Variants in YPEL5 observed in about 807,000 individuals in gnomAD.
The protein encoded by YPEL5 is protein yippee-like 5.
YPEL5 carries 1 observed loss-of-function variant against 10.5 expected under a neutral mutation model. The ratio of observed to expected loss-of-function variants is 0.10; its 90% CI spans 0.03 to 0.45. YPEL5 has a LOEUF of 0.45. Ranked by LOEUF, YPEL5 falls within the 20% of genes least tolerant of loss-of-function variation. The pLI is 0.97. For missense variants in YPEL5, 68 were observed against 159.3 expected (o/e 0.43, Z 3.09); for synonymous variants, 61 against 56.6 (o/e 1.08, Z -0.35).
rs1676201186 is a variant in YPEL5, at chr2:30,159,686, A to G, written c.*843A>G. ...CATGCATATAATATTCTTTGTTTAA[A>G]TGAAAGCATACTGTTGAAACCCGCA... On this transcript the variant is annotated 3_prime_UTR_variant, in exon 3 of 3. Transcript: ENST00000261353. 1 of 152,248 alleles carries G rather than the reference A, an allele frequency of 6.6e-6. No individual in the cohort carries two copies. The highest frequency in any genetic ancestry group is 1.5e-5 in the Non-Finnish European group (1 of 68,044). The allele number at this position is 152,248 out of a possible 1,614,324, so 9.4% of individuals were successfully genotyped here.
intron 2 of YPEL5, 52 bp downstream of exon 2, chr2:30,156,844 A>G (rs1676060183): frequency 2.5e-6 from 4 of 1,598,820 alleles, no homozygotes; most frequent in Non-Finnish European, 3.4e-6. Context: ...TGTATTTGAC[A>G]GCAACACCAG....
intron 2 of YPEL5, among the ~76,000 whole-genome samples, chr2:30,157,448 G>C (rs561009404): frequency 2.0e-5 from 3 of 152,172 alleles, no homozygotes; most frequent in Non-Finnish European, 1.5e-5. Flanking sequence ...AGATGGTGGC[G>C]TTAAACTATT....
intron 1 of YPEL5, chr2:30,148,009 G>A (rs1336077090): frequency 6.6e-6 from 1 of 152,280 alleles, no homozygotes; most frequent in African/African-American, 2.4e-5. Context: ...AGCTCCGCCA[G>A]CTTCGGGCTG....
Position 30,158,715 on chromosome 2 carries a change from C to T in YPEL5, c.238C>T (p.Leu80=), listed in dbSNP as rs1428599277. The T allele has an allele frequency of 6.2e-7, 1 of 1,614,162 alleles. No homozygotes were observed. The change falls in exon 3 of 3, where the codon CTG becomes TTG. Residue 80 remains leucine (L), a synonymous_variant. Transcript: ENST00000261353. ...GAGCTGCAAAAACTGCAATAGCAAA[C>T]TGGGATGGATCTATGAGTTTGCCAC... ...DVSCKNCNSK[L]GWIYEFATED...
chr2:30,160,418 A>G lies in YPEL5; in HGVS notation c.*1575A>G, dbSNP rs1463652165. ...ATGGACTCAATCTGAGAACAACAGC[A>G]TTCATTTCCATTCATTTCCATACTG... On this transcript the variant is annotated 3_prime_UTR_variant, in exon 3 of 3. Transcript: ENST00000261353. The G allele has an allele frequency of 6.6e-6, 1 of 152,210 alleles. No homozygotes were observed. Among genetic ancestry groups the G allele is most frequent in the African/African-American group, 2.4e-5 (1 of 41,460 alleles). The allele number at this position is 152,210 out of a possible 1,614,324, so 9.4% of individuals were successfully genotyped here. A position where few individuals can be genotyped will look rare whatever the true frequency, so the allele number is the denominator to read the frequency against.
chr2:30,159,067 A>G lies in YPEL5; in HGVS notation c.*224A>G. 1 of 538,530 alleles carries G rather than the reference A, an allele frequency of 1.9e-6. No homozygotes were observed. Among genetic ancestry groups the G allele is most frequent in the Non-Finnish European group, 3.3e-6 (1 of 304,876 alleles). 33.4% of individuals were successfully genotyped at this position (538,530 alleles called of 1,614,324 possible). A position where few individuals can be genotyped will look rare whatever the true frequency, so the allele number is the denominator to read the frequency against. ...AGAGAATATTATGCAGATGCCGTTA[A>G]TTTTTTACCCTATGTTTACATCTTG... On this transcript the variant is annotated 3_prime_UTR_variant, in exon 3 of 3. Transcript: ENST00000261353.
chr2:30,148,439 C>G (rs1675615955), intron 1 of YPEL5: 1 of 152,116 alleles, frequency 6.6e-6, no homozygotes, highest in Non-Finnish European at 1.5e-5. Context: ...CAAAGAGGAA[C>G]CAAAAGGCCT....
At chr2:30,154,155 C>T (rs530619386) in intron 1 of YPEL5, among the ~76,000 whole-genome samples, 1 of 152,184 alleles carries the variant, frequency 6.6e-6, no homozygotes, top group African/African-American at 2.4e-5. Context: ...TCCCAGACCC[C>T]TAGCTGGAGG....
chr2:30,149,705 C>A (rs1420235147), intron 1 of YPEL5, among the ~76,000 whole-genome samples: 1 of 152,218 alleles, frequency 6.6e-6, no homozygotes, highest in East Asian at 1.9e-4. Flanking sequence ...ACCACCTCTG[C>A]AAGGGGCAGG....
At chr2:30,157,282 CAAA>C (rs529164436) in intron 2 of YPEL5, among the ~76,000 whole-genome samples, 1 of 124,876 alleles carries the variant, frequency 8.0e-6, no homozygotes. Flanking sequence ...GACTCAGTCT[CAAA>C]AAAAAAAAAA....
At chr2:30,156,312 A>G (rs1382018645) in intron 1 of YPEL5, 3 of 230,942 alleles carry the variant, frequency 1.3e-5, no homozygotes, top group African/African-American at 6.7e-5. Context: ...TACATCATTC[A>G]TTTTCTGAAA....
At chr2:30,150,362 CAG>C (rs1364762014) in intron 1 of YPEL5, among the ~76,000 whole-genome samples, 2 of 152,154 alleles carry the variant, frequency 1.3e-5, no homozygotes, top group Non-Finnish European at 2.9e-5. Flanking sequence ...TCTCATAACT[CAG>C]AGGTGGCTGC....
intron 1 of YPEL5, among the ~76,000 whole-genome samples, chr2:30,155,096 A>G (rs974436096): frequency 6.6e-6 from 1 of 152,240 alleles, no homozygotes; most frequent in Non-Finnish European, 1.5e-5. Context: ...AAAGGCTGAA[A>G]TAAGGCAATA....
At chr2:30,154,929 G>A (rs1675971481) in intron 1 of YPEL5, among the ~76,000 whole-genome samples, 1 of 152,108 alleles carries the variant, frequency 6.6e-6, no homozygotes, top group Admixed American at 6.5e-5. Context: ...AATAGAGACA[G>A]GGTTTCACCA....
At chr2:30,152,616 C>G (rs1022811559) in intron 1 of YPEL5, among the ~76,000 whole-genome samples, 2 of 152,166 alleles carry the variant, frequency 1.3e-5, no homozygotes, top group African/African-American at 4.8e-5. Flanking sequence ...TGATAGCCCT[C>G]TAATCACTAG....
intron 1 of YPEL5, among the ~76,000 whole-genome samples, chr2:30,153,442 G>C (rs760826359): frequency 6.6e-6 from 1 of 152,202 alleles, no homozygotes; most frequent in Non-Finnish European, 1.5e-5. Flanking sequence ...TGAGGGCTCT[G>C]TGCTTGTGAC....
rs751400392 is a variant in YPEL5 at position 30,159,051 on chromosome 2, T to C, written c.*208T>C. Reference sequence around the variant, plus strand: ...CAACAGCAGTGTGTAGAGAGAATATTATGCAGATGCCGTTAATTTTTTACC... The same window carrying C: ...CAACAGCAGTGTGTAGAGAGAATATCATGCAGATGCCGTTAATTTTTTACC... On this transcript the variant is annotated 3_prime_UTR_variant, in exon 3 of 3. Coordinates refer to ENST00000261353, the MANE Select transcript of YPEL5 (RefSeq NM_016061.3). 1.9e-5 allele frequency: 11 copies of C among 569,666 alleles called. No homozygotes were observed. In the South Asian group the frequency reaches 2.5e-4, roughly 13 times the overall value. 35.3% of individuals were successfully genotyped at this position (569,666 alleles called of 1,614,324 possible). A position where few individuals can be genotyped will look rare whatever the true frequency, so the allele number is the denominator to read the frequency against.
intron 2 of YPEL5, 33 bp downstream of exon 2, chr2:30,156,825 C>T: frequency 1.9e-6 from 3 of 1,612,120 alleles, no homozygotes; most frequent in Non-Finnish European, 2.5e-6. Context: ...CCTAAGTGGG[C>T]TTATTGGCTG....
chr2:30,149,128 G>T (rs1410949059), intron 1 of YPEL5, among the ~76,000 whole-genome samples: 1 of 152,120 alleles, frequency 6.6e-6, no homozygotes, highest in Admixed American at 6.5e-5. Flanking sequence ...GTTTAGCGGG[G>T]GATGACCAAC....
Sources: allele counts gnomAD v4.1 joint callset (sites outside exome capture counted in the v4.1 genomes callset), GRCh38; gene constraint gnomAD v4.1.1; transcripts MANE v1.5; gene names NCBI Gene and HGNC (gene_info 2026-07-23, HGNC 2026-07-21).